The following B3GALNT2 variants were observed in gnomAD, a reference collection of about 807,000 sequenced individuals.
B3GALNT2 encodes UDP-GalNAc:beta-1,3-N-acetylgalactosaminyltransferase 2.
In B3GALNT2, 53 loss-of-function variants were observed where a neutral mutation model predicts 61.1. The ratio of observed to expected loss-of-function variants is 0.87; its 90% CI spans 0.70 to 1.09. B3GALNT2 has a LOEUF of 1.09. B3GALNT2 is among the 50% of genes least tolerant of loss of function. B3GALNT2 has a pLI of 0.00. For synonymous variants in B3GALNT2, 223 were observed against 237.4 expected, an observed-to-expected ratio of 0.94 and a Z score of 0.56; for missense variants, 544 against 623.0, an observed-to-expected ratio of 0.87 and a Z score of 1.35.
At chr1:235,446,730 G>A (rs1217659317), downstream of B3GALNT2, among the ~76,000 whole-genome samples, 1 of 136,442 alleles carries the variant, frequency 7.3e-6, no homozygotes, top group East Asian at 2.3e-4. Flanking sequence ...TTCTCACTTT[G>A]TTACCCAGGC....
chr1:235,489,042 CCT>C, intron 3 of B3GALNT2, 124 bp downstream of exon 3: 3 of 1,259,400 alleles, frequency 2.4e-6, no homozygotes, highest in Non-Finnish European at 3.1e-6. Flanking sequence ...AGAGCAAGAC[CCT>C]GTCTCTAAAA....
intron 9 of B3GALNT2, among the ~76,000 whole-genome samples, chr1:235,455,088 A>C (rs1683099647): frequency 6.6e-6 from 1 of 152,126 alleles, no homozygotes; most frequent in South Asian, 2.1e-4. Flanking sequence ...CTTTTCATTT[A>C]AAAAATAATT....
At chr1:235,492,754 T>C (rs959160817) in intron 2 of B3GALNT2, among the ~76,000 whole-genome samples, 9 of 152,114 alleles carry the variant, frequency 5.9e-5, no homozygotes, top group African/African-American at 2.2e-4. Context: ...TGGGCTGCTA[T>C]TTACTATGGG....
intron 6 of B3GALNT2, among the ~76,000 whole-genome samples, chr1:235,468,153 C>G (rs1469750406): frequency 6.6e-6 from 1 of 152,142 alleles, no homozygotes; most frequent in African/African-American, 2.4e-5. Context: ...TGTTTATTAA[C>G]TTCTCTCTAA....
chr1:235,501,003 A>G (rs568190438), intron 1 of B3GALNT2, among the ~76,000 whole-genome samples: 1 of 152,324 alleles, frequency 6.6e-6, no homozygotes, highest in South Asian at 2.1e-4. Context: ...CCTTGGGAGA[A>G]GGGACTAGGC....
chr1:235,482,105 TCTC>T (rs1009635351), intron 4 of B3GALNT2, among the ~76,000 whole-genome samples: 1 of 152,088 alleles, frequency 6.6e-6, no homozygotes, highest in Non-Finnish European at 1.5e-5. Context: ...TCAGACCAAT[TCTC>T]CTATAGATAG....
chr1:235,481,740 G>C (rs897310422), intron 4 of B3GALNT2, among the ~76,000 whole-genome samples: 3 of 152,074 alleles, frequency 2.0e-5, no homozygotes, highest in Non-Finnish European at 4.4e-5. Context: ...GATACTCAGA[G>C]TACTGCTATT....
rs769313067 is a variant in B3GALNT2 at position 235,494,783 on chromosome 1, A to G, written c.158T>C (p.Val53Ala). 7 of 1,611,362 alleles carry G rather than the reference A, an allele frequency of 4.3e-6. No individual in the cohort carries two copies. The highest frequency in any genetic ancestry group is 1.1e-5 in the South Asian group (1 of 90,984). ...GCGAGCTGACAACACGCCAACTACC[A>G]CATCATAGTGAGTAGATTTCCACTG... Reference protein sequence around the residue: ...FPQWKSTHYDVVVGVLSARNN... With the variant: ...FPQWKSTHYDAVVGVLSARNN... Residue 53 changes from valine to alanine, a missense_variant, in exon 2 of 12, where the codon GTG (valine) becomes GCG (alanine). Physicochemically the swap from Val to Ala is moderately conservative, Grantham distance 64. Coordinates refer to ENST00000366600, the MANE Select transcript of B3GALNT2 (RefSeq NM_152490.5).
intron 5 of B3GALNT2, among the ~76,000 whole-genome samples, chr1:235,475,590 C>T (rs185462541): frequency 1.8e-4 from 27 of 152,146 alleles, no homozygotes; most frequent in Admixed American, 6.5e-4. Flanking sequence ...GCAAACAAAC[C>T]CAATCAGCCT....
intron 7 of B3GALNT2, among the ~76,000 whole-genome samples, chr1:235,461,442 G>A (rs1372124667): frequency 1.3e-5 from 2 of 149,932 alleles, no homozygotes; most frequent in Non-Finnish European, 3.0e-5. Flanking sequence ...CCACTGCTGC[G>A]ACCCTGATGC....
chr1:235,461,507 GTTTTTTTTT>G (rs57611133), intron 7 of B3GALNT2, among the ~76,000 whole-genome samples: 4 of 63,378 alleles, frequency 6.3e-5, no homozygotes, highest in South Asian at 6.4e-4. Context: ...ATGACCTCCT[GTTTTTTTTT>G]TTTTTTTTTT....
At position 235,494,679 on chromosome 1, in the gene B3GALNT2, A is replaced by G. The variant is rs768238840; in HGVS notation, c.260+2T>C. The stretch of plus-strand genomic sequence containing the variant: ...GGCAAGGCAACAACTCAGAAAACCT[A>G]CCGTTGACTTAATGTGGGATGCTGT... On this transcript the variant is annotated splice_donor_variant, in intron 2 of 11. Coordinates refer to ENST00000366600, the MANE Select transcript of B3GALNT2 (RefSeq NM_152490.5). LOFTEE classifies it high-confidence loss of function. The G allele has an allele frequency of 6.2e-7, 1 of 1,610,132 alleles. No homozygotes were observed. The highest frequency in any genetic ancestry group is 8.5e-7 in the Non-Finnish European group (1 of 1,177,746).
At chr1:235,442,074 C>A in the B3GALNT2 span, among the ~76,000 whole-genome samples, 2 of 149,334 alleles carry the variant, frequency 1.3e-5, no homozygotes, top group Non-Finnish European at 3.0e-5. Flanking sequence ...GTGGTGTGAT[C>A]TCAGCTCATT....
intron 10 of B3GALNT2, among the ~76,000 whole-genome samples, chr1:235,453,682 C>T (rs995031873): frequency 6.6e-6 from 1 of 152,048 alleles, no homozygotes; most frequent in African/African-American, 2.4e-5. Context: ...CCTAACCTCA[C>T]GTGATCTGCC....
intron 7 of B3GALNT2, among the ~76,000 whole-genome samples, chr1:235,460,469 A>T (rs1683369836): frequency 6.6e-6 from 1 of 151,710 alleles, no homozygotes; most frequent in African/African-American, 2.4e-5. Flanking sequence ...AAAAAAAAAA[A>T]AAATTAGAAA....
At chr1:235,471,142 T>G (rs1348836430) in intron 5 of B3GALNT2, among the ~76,000 whole-genome samples, 182 bp from the exon 6 acceptor site, 2 of 152,214 alleles carry the variant, frequency 1.3e-5, no homozygotes, top group Non-Finnish European at 2.9e-5. Flanking sequence ...GTTTTTTCCA[T>G]GCACATATAA....
chr1:235,451,386 G>A (rs1271645961), intron 11 of B3GALNT2: 3 of 148,790 alleles, frequency 2.0e-5, no homozygotes, highest in Admixed American at 6.8e-5. Context: ...TAGATGCATG[G>A]CAGAAAAAAA....
At chr1:235,496,606 G>A (rs995789626) in intron 1 of B3GALNT2, among the ~76,000 whole-genome samples, 64 of 149,578 alleles carry the variant, frequency 4.3e-4, no homozygotes, top group African/African-American at 1.4e-3. Context: ...GTGCAGTGGC[G>A]GCGATCTCGG....
intron 2 of B3GALNT2, among the ~76,000 whole-genome samples, chr1:235,490,636 C>T (rs1288636800): frequency 6.6e-6 from 1 of 152,346 alleles, no homozygotes; most frequent in South Asian, 2.1e-4. Context: ...CCTGCTACTA[C>T]TGGCTTCTGG....
Sources: gnomAD v4.1 joint callset for allele counts (sites outside exome capture counted in the v4.1 genomes callset) on GRCh38, gnomAD v4.1.1 for gene constraint, MANE v1.5 for transcripts, NCBI Gene and HGNC (gene_info 2026-07-23, HGNC 2026-07-21) for gene names.